The following NRG1 variants were observed in gnomAD, a reference collection of about 807,000 sequenced individuals.
NRG1 encodes the protein pro-neuregulin-1, membrane-bound isoform.
A neutral mutation model predicts 63.8 loss-of-function variants in NRG1; 18 were observed. That is an observed-to-expected ratio of 0.28 (90% confidence interval 0.19 to 0.42). The LOEUF (loss-of-function observed/expected upper bound fraction) is 0.42. NRG1 is among the 10% of genes least tolerant of loss of function. NRG1 has a pLI of 1.00. For missense variants in NRG1, 762 were observed against 814.7 expected, an observed-to-expected ratio of 0.94 and a Z score of 0.79; for synonymous variants, 302 against 301.3, an observed-to-expected ratio of 1.00 and a Z score of -0.02.
chr8:32,669,713 G>C (rs1355593962), intron 5 of NRG1, among the ~76,000 whole-genome samples: 1 of 152,118 alleles, frequency 6.6e-6, no homozygotes, highest in East Asian at 1.9e-4. Flanking sequence ...AGTGATTAGG[G>C]TTGGTCTTAT....
At chr8:32,606,157 A>G (rs1845241834) in intron 3 of NRG1, among the ~76,000 whole-genome samples, 1 of 148,552 alleles carries the variant, frequency 6.7e-6, no homozygotes, top group Non-Finnish European at 1.5e-5. Context: ...TTATATATGT[A>G]TTATGTATGT....
intron 1 of NRG1, among the ~76,000 whole-genome samples, chr8:32,573,695 A>G (rs1204505669): frequency 2.6e-5 from 4 of 151,946 alleles, no homozygotes; most frequent in African/African-American, 4.8e-5. Flanking sequence ...GTACATGTGC[A>G]CAATGTGCAG....
intron 1 of NRG1, among the ~76,000 whole-genome samples, chr8:31,773,485 A>AGT (rs1818827658): frequency 6.6e-6 from 1 of 152,188 alleles, no homozygotes; most frequent in Non-Finnish European, 1.5e-5. Flanking sequence ...CCTAGCTCAA[A>AGT]CCATCATAGT....
At chr8:31,826,996 G>T (rs1424849872) in intron 1 of NRG1, among the ~76,000 whole-genome samples, 2 of 152,084 alleles carry the variant, frequency 1.3e-5, no homozygotes, top group Admixed American at 6.5e-5. Context: ...TTGGGCTTTG[G>T]CAGGCAGTGA....
At position 31,754,873 on chromosome 8, in the gene NRG1, T is replaced by G. The variant is rs552837230; in HGVS notation, c.37+115442T>G. ...TTCCTAGTAATGATTCTAATTATCT[T>G]TATTGAATGTCTGCCATTTTCTAGG... On this transcript the variant is annotated intron_variant, in intron 1 of 10. Coordinates refer to the NRG1 transcript ENST00000519301. Among the ~76,000 whole-genome samples the G allele has an allele frequency of 4.5e-4, 69 of 152,218 alleles. 2 individuals carry two copies. In the South Asian group the frequency reaches 0.013, roughly 30 times the overall value.
chr8:32,436,312 T>C (rs1344386853), intron 1 of NRG1, among the ~76,000 whole-genome samples: 1 of 152,148 alleles, frequency 6.6e-6, no homozygotes, highest in Non-Finnish European at 1.5e-5. Flanking sequence ...AGGTCCCTCC[T>C]ACAACACATG....
At chr8:32,118,311 AC>A (rs1390061584) in intron 1 of NRG1, among the ~76,000 whole-genome samples, 2 of 151,642 alleles carry the variant, frequency 1.3e-5, no homozygotes, top group African/African-American at 4.8e-5. Context: ...TTGTCCCCCG[AC>A]TCGCCGCAGA....
chr8:32,325,549 T>C (rs1801895549), intron 1 of NRG1, among the ~76,000 whole-genome samples: 1 of 152,074 alleles, frequency 6.6e-6, no homozygotes, highest in African/African-American at 2.4e-5. Context: ...CTGGTTAATT[T>C]TTTATATTTT....
At chr8:32,078,246 G>C (rs1826911854) in intron 1 of NRG1, among the ~76,000 whole-genome samples, 1 of 152,134 alleles carries the variant, frequency 6.6e-6, no homozygotes, top group African/African-American at 2.4e-5. Context: ...GTTCATGCAA[G>C]AATTGATGGT....
At chr8:32,401,903 GT>G (rs1463373925) in intron 1 of NRG1, among the ~76,000 whole-genome samples, 1 of 152,068 alleles carries the variant, frequency 6.6e-6, no homozygotes, top group South Asian at 2.1e-4. Flanking sequence ...TGTTTGTTTG[GT>G]TTTTTTGTTT....
rs73676707 is a variant in NRG1 at position 32,351,966 on chromosome 8, T to C, written c.38-243862T>C. On this transcript the variant is annotated intron_variant, in intron 1 of 10. Transcript: ENST00000519301. Reference sequence around the variant, plus strand: ...TCTTAGGACTGCCATTAACTTCAGATGTTAAAGAAGTGCTTCAGCTCTCTG... The same window carrying C: ...TCTTAGGACTGCCATTAACTTCAGACGTTAAAGAAGTGCTTCAGCTCTCTG... 6.9e-3 allele frequency among the ~76,000 whole-genome samples: 1,047 copies of C among 152,026 alleles called. 13 individuals carry two copies. Among genetic ancestry groups the C allele is most frequent in the African/African-American group, 0.024 (996 of 41,464 alleles).
At chr8:32,596,325 C>T (rs1274486482) in intron 2 of NRG1, among the ~76,000 whole-genome samples, 1 of 152,022 alleles carries the variant, frequency 6.6e-6, no homozygotes, top group African/African-American at 2.4e-5. Context: ...AATTTCTTGG[C>T]CGGGATGGTG....
chr8:32,379,604 C>T (rs912389182), intron 1 of NRG1, among the ~76,000 whole-genome samples: 1 of 152,194 alleles, frequency 6.6e-6, no homozygotes, highest in Non-Finnish European at 1.5e-5. Context: ...CTACAGGATG[C>T]CATCCATTGT....
chr8:32,130,684 A>G (rs1834701511), intron 1 of NRG1, among the ~76,000 whole-genome samples: 1 of 151,944 alleles, frequency 6.6e-6, no homozygotes, highest in South Asian at 2.1e-4. Context: ...TCTCAGACAA[A>G]GGAGATTACA....
intron 1 of NRG1, among the ~76,000 whole-genome samples, chr8:32,350,285 CCT>C (rs1266417543): frequency 6.6e-6 from 1 of 152,168 alleles, no homozygotes; most frequent in Non-Finnish European, 1.5e-5. Context: ...AAACATTCCC[CCT>C]CTCTCTTCTC....
chr8:31,990,139 A>G (rs1390789768), intron 1 of NRG1, among the ~76,000 whole-genome samples: 1 of 152,054 alleles, frequency 6.6e-6, no homozygotes, highest in Admixed American at 6.6e-5. Flanking sequence ...CTGAAGTCAC[A>G]CTTTGTGTTG....
intron 1 of NRG1, among the ~76,000 whole-genome samples, chr8:32,439,018 C>T (rs1343931069): frequency 6.6e-6 from 1 of 151,974 alleles, no homozygotes; most frequent in Non-Finnish European, 1.5e-5. Flanking sequence ...TTCCACAAGG[C>T]AAGAGCTTTT....
At chr8:32,148,182 C>T (rs778866372) in intron 1 of NRG1, among the ~76,000 whole-genome samples, 1 of 151,998 alleles carries the variant, frequency 6.6e-6, no homozygotes, top group African/African-American at 2.4e-5. Context: ...TATAAATATA[C>T]CCATTTCAAA....
intron 5 of NRG1, among the ~76,000 whole-genome samples, chr8:32,721,358 A>G (rs1820582798): frequency 6.6e-6 from 1 of 152,136 alleles, no homozygotes; most frequent in Non-Finnish European, 1.5e-5. Flanking sequence ...CTTGGTGTCA[A>G]CTTGTTCTTT....
Sources: allele counts gnomAD v4.1 joint callset (sites outside exome capture counted in the v4.1 genomes callset), GRCh38; gene constraint gnomAD v4.1.1; transcripts MANE v1.5; gene names NCBI Gene and HGNC (gene_info 2026-07-23, HGNC 2026-07-21).